The following MANEA variants were observed in gnomAD, a reference collection of about 807,000 sequenced individuals.
The protein encoded by MANEA is glycoprotein endo-alpha-1,2-mannosidase.
A neutral mutation model predicts 36.8 loss-of-function variants in MANEA; 25 were observed. That is an observed-to-expected ratio of 0.68 (90% CI 0.50 to 0.95). The LOEUF (loss-of-function observed/expected upper bound fraction) is 0.95, where lower values mean the gene tolerates loss of function less well. Among genes scored for constraint, MANEA ranks in the 40% least tolerant of loss-of-function variants. MANEA has a pLI of 0.00. For missense variants in MANEA, 565 were observed against 558.8 expected, an observed-to-expected ratio of 1.01 and a Z score of -0.11; for synonymous variants, 198 against 188.5, an observed-to-expected ratio of 1.05 and a Z score of -0.41.
intron 1 of MANEA, among the ~76,000 whole-genome samples, chr6:95,578,252 G>A (rs1769109429): frequency 6.6e-6 from 1 of 152,162 alleles, no homozygotes; most frequent in Non-Finnish European, 1.5e-5. Context: ...GGATGCAACA[G>A]TGCTGGATTA....
At chr6:95,586,002 T>C (rs1171269181) in intron 1 of MANEA, among the ~76,000 whole-genome samples, 2 of 152,146 alleles carry the variant, frequency 1.3e-5, no homozygotes, top group African/African-American at 4.8e-5. Flanking sequence ...GTCTCTACAA[T>C]AAATAAATAA....
intron 1 of MANEA, among the ~76,000 whole-genome samples, chr6:95,582,392 G>A (rs1769199947): frequency 6.6e-6 from 1 of 151,766 alleles, no homozygotes; most frequent in Non-Finnish European, 1.5e-5. Flanking sequence ...ACCGTGTTAG[G>A]CAGGATGGTC....
intron 3 of MANEA, 66 bp downstream of exon 3, chr6:95,596,912 A>G: frequency 1.5e-6 from 1 of 681,356 alleles, no homozygotes; most frequent in Non-Finnish European, 2.5e-6. Flanking sequence ...AGTAATAACA[A>G]TTTTTGAAAT....
At chr6:95,597,235 A>G (rs1769498388) in intron 3 of MANEA, among the ~76,000 whole-genome samples, 1 of 152,052 alleles carries the variant, frequency 6.6e-6, no homozygotes, top group Admixed American at 6.6e-5. Flanking sequence ...TTCAAAATCC[A>G]ATTTTCATTT....
At chr6:95,593,031 A>G (rs1348922509) in intron 2 of MANEA, among the ~76,000 whole-genome samples, 1 of 152,220 alleles carries the variant, frequency 6.6e-6, no homozygotes, top group Non-Finnish European at 1.5e-5. Context: ...GTTTGCTAAT[A>G]TTTCAAGAAT....
intron 1 of MANEA, among the ~76,000 whole-genome samples, chr6:95,579,443 G>A (rs1039346324): frequency 7.9e-5 from 12 of 152,234 alleles, no homozygotes; most frequent in Admixed American, 2.6e-4. Flanking sequence ...GAGGGTACAA[G>A]TGTTTACAAT....
At chr6:95,578,739 T>A (rs369326182) in intron 1 of MANEA, among the ~76,000 whole-genome samples, 6 of 152,236 alleles carry the variant, frequency 3.9e-5, no homozygotes, top group African/African-American at 1.4e-4. Flanking sequence ...TAAAATAGAA[T>A]AAGCTGTCTT....
At chr6:95,580,199 TAC>T (rs747206904) in intron 1 of MANEA, among the ~76,000 whole-genome samples, 2 of 151,716 alleles carry the variant, frequency 1.3e-5, no homozygotes, top group South Asian at 2.1e-4. Context: ...AGTCTATATA[TAC>T]ACACACACAC....
intron 3 of MANEA, among the ~76,000 whole-genome samples, chr6:95,602,971 G>T (rs1037872154): frequency 5.3e-5 from 7 of 132,952 alleles, no homozygotes; most frequent in Non-Finnish European, 7.7e-5. Flanking sequence ...AGTGAGCCGA[G>T]ATTGCGCCAC....
chr6:95,580,497 G>A (rs9398406), intron 1 of MANEA, among the ~76,000 whole-genome samples: 5 of 151,684 alleles, frequency 3.3e-5, no homozygotes, highest in Non-Finnish European at 7.4e-5. Context: ...AGGCAGAGGC[G>A]GGTGGATCAC....
At chr6:95,578,998 T>G (rs1769128052) in intron 1 of MANEA, among the ~76,000 whole-genome samples, 1 of 152,176 alleles carries the variant, frequency 6.6e-6, no homozygotes, top group Non-Finnish European at 1.5e-5. Context: ...TTAGATTGGT[T>G]TCTTGGCCAT....
intron 2 of MANEA, among the ~76,000 whole-genome samples, chr6:95,593,932 G>A (rs1412406338): frequency 3.3e-5 from 5 of 152,072 alleles, no homozygotes; most frequent in African/African-American, 1.2e-4. Context: ...TGTAATCCCA[G>A]AGGAGGGATT....
chr6:95,586,533 A>G lies in MANEA; in HGVS notation c.94A>G (p.Asn32Asp). The change falls in exon 2 of 5, where the codon AAT (asparagine) becomes GAT (aspartate). Residue 32 changes from asparagine to aspartate, a missense_variant. By Grantham distance (23) the Asn-to-Asp change is conservative (BLOSUM62 1). Coordinates refer to ENST00000358812, the MANE Select transcript of MANEA (RefSeq NM_024641.4). Reference sequence around the variant, plus strand: ...GATGGGTTTAAAAATGCTGAGACCAAATACAGCTACTTTTGGAGCTCCTTT... The same window carrying G: ...GATGGGTTTAAAAATGCTGAGACCAGATACAGCTACTTTTGGAGCTCCTTT... ...LMMGLKMLRP[N>D]TATFGAPFGL... is the part of the protein sequence containing the mutation. 6.2e-6 allele frequency: 10 copies of G among 1,614,002 alleles called. No homozygotes were observed. Among genetic ancestry groups the G allele is most frequent in the Non-Finnish European group, 8.5e-6 (10 of 1,179,944 alleles).
At chr6:95,599,038 T>G (rs1251033274) in intron 3 of MANEA, among the ~76,000 whole-genome samples, 1 of 152,086 alleles carries the variant, frequency 6.6e-6, no homozygotes, top group Non-Finnish European at 1.5e-5. Flanking sequence ...CACAGAATGG[T>G]TATAAAGATT....
chr6:95,583,819 T>C (rs1168741287), intron 1 of MANEA, among the ~76,000 whole-genome samples: 5 of 152,190 alleles, frequency 3.3e-5, no homozygotes, highest in African/African-American at 7.2e-5. Context: ...TGTTATTCTT[T>C]ATATTATTCA....
At chr6:95,584,748 C>G (rs1237850262) in intron 1 of MANEA, among the ~76,000 whole-genome samples, 1 of 152,166 alleles carries the variant, frequency 6.6e-6, no homozygotes, top group African/African-American at 2.4e-5. Context: ...TTTTGTGGCT[C>G]AGGTGGGCAT....
At position 95,586,753 on chromosome 6, in the gene MANEA, T is replaced by A. The variant is rs1243356810; in HGVS notation, c.314T>A (p.Val105Glu). The A allele has an allele frequency of 1.2e-5, 20 of 1,613,606 alleles. No individual in the cohort carries two copies. Among genetic ancestry groups the A allele is most frequent in the Non-Finnish European group, 1.7e-5 (20 of 1,179,636 alleles). Residue 105 changes from valine to glutamate, a missense_variant, in exon 2 of 5, where the codon GTA becomes GAA. Coordinates refer to ENST00000358812, the MANE Select transcript of MANEA (RefSeq NM_024641.4). Reference sequence around the variant, plus strand: ...CCACCTCTGAACAATTATCTACATGTATTTTATTACAGTTGGTATGGAAAT... The same window carrying A: ...CCACCTCTGAACAATTATCTACATGAATTTTATTACAGTTGGTATGGAAAT... ...ELPPLNNYLH[V>E]FYYSWYGNPQ...
rs1280730336 is a variant in MANEA at position 95,607,593 on chromosome 6, A to C, written c.*1188A>C. On this transcript the variant is annotated 3_prime_UTR_variant, in exon 5 of 5. Transcript: ENST00000358812. ...TAATACTTTCAATTTTTTATATAGT[A>C]ATATCCCCATTTTGTAAATGTTAGA... 1.3e-5 allele frequency: 2 copies of C among 151,808 alleles called. No homozygotes were observed. Among genetic ancestry groups the C allele is most frequent in the East Asian group, 3.9e-4 (2 of 5,184 alleles). 9.4% of individuals were successfully genotyped at this position (151,808 alleles called of 1,614,324 possible).
At chr6:95,605,635 A>G in intron 4 of MANEA, 113 bp from the exon 5 acceptor site, 1 of 684,830 alleles carries the variant, frequency 1.5e-6, no homozygotes, top group South Asian at 1.9e-5. Flanking sequence ...CCCCTAAGAA[A>G]TGGAGCAGTG....
Sources: allele counts gnomAD v4.1 joint callset (sites outside exome capture counted in the v4.1 genomes callset), GRCh38; gene constraint gnomAD v4.1.1; transcripts MANE v1.5; gene names NCBI Gene and HGNC (gene_info 2026-07-23, HGNC 2026-07-21).